The following UBE2U variants were observed in gnomAD, a reference collection of about 807,000 sequenced individuals.
UBE2U encodes ubiquitin conjugating enzyme E2 U.
UBE2U carries 39 observed loss-of-function variants against 41.2 expected under a neutral mutation model. That is an observed-to-expected ratio of 0.95 (90% CI 0.73 to 1.24). The LOEUF (loss-of-function observed/expected upper bound fraction) is 1.24. UBE2U is among the 50% of genes most tolerant of loss of function. The pLI, the probability that UBE2U is intolerant of heterozygous loss-of-function variation, is 0.00. For missense variants in UBE2U, 336 were observed against 363.1 expected (o/e 0.93, Z 0.61); for synonymous variants, 107 against 117.8 (o/e 0.91, Z 0.60).
At chr1:64,212,936 A>T (rs1651749311) in intron 4 of UBE2U, among the ~76,000 whole-genome samples, 3 of 152,120 alleles carry the variant, frequency 2.0e-5, no homozygotes, top group Admixed American at 2.0e-4. Context: ...TTGTCTTTTT[A>T]TTTTTCGAAA....
intron 8 of UBE2U, among the ~76,000 whole-genome samples, chr1:64,251,438 AATTCTGTATCC>A (rs1249662429): frequency 2.0e-5 from 3 of 152,156 alleles, no homozygotes; most frequent in African/African-American, 7.2e-5. Context: ...GATGAAAAGA[AATTCTGTATCC>A]ATTTCTGATT....
chr1:64,205,793 T>A, intron 2 of UBE2U, 73 bp downstream of exon 2: 1 of 1,196,758 alleles, frequency 8.4e-7, no homozygotes, highest in Non-Finnish European at 1.2e-6. Flanking sequence ...TCTTTTTATG[T>A]AGGATAAGGT....
chr1:64,223,232 T>A (rs1652616739), intron 6 of UBE2U, among the ~76,000 whole-genome samples: 1 of 152,220 alleles, frequency 6.6e-6, no homozygotes, highest in Non-Finnish European at 1.5e-5. Context: ...GAAGCCCTCT[T>A]CTTTTTTCCC....
At chr1:64,239,086 G>GAAGAAGAAA (rs1644735040) in intron 7 of UBE2U, among the ~76,000 whole-genome samples, 1 of 44,142 alleles carries the variant, frequency 2.3e-5, no homozygotes, top group African/African-American at 9.2e-5. Flanking sequence ...AAGAGGAAGA[G>GAAGAAGAAA]GAAGAGGAAG....
chr1:64,252,526 G>A (rs922716721), intron 8 of UBE2U, among the ~76,000 whole-genome samples: 1 of 152,192 alleles, frequency 6.6e-6, no homozygotes, highest in Non-Finnish European at 1.5e-5. Context: ...TATCCCTCTA[G>A]GATGGAGCTT....
chr1:64,243,338 G>A (rs1378283986), intron 8 of UBE2U, among the ~76,000 whole-genome samples: 1 of 151,936 alleles, frequency 6.6e-6, no homozygotes, highest in African/African-American at 2.4e-5. Flanking sequence ...AAATGTTAGA[G>A]GTATAGTAAA....
chr1:64,237,902 A>G (rs1644699289), intron 7 of UBE2U, among the ~76,000 whole-genome samples: 1 of 152,232 alleles, frequency 6.6e-6, no homozygotes, highest in Admixed American at 6.5e-5. Context: ...AGGCAATTTC[A>G]AAAAGTTTAA....
At chr1:64,257,454 C>T (rs1004429362) in intron 8 of UBE2U, among the ~76,000 whole-genome samples, 1 of 152,172 alleles carries the variant, frequency 6.6e-6, no homozygotes. Flanking sequence ...AGATCATGTC[C>T]TTTGCAGGGT....
At chr1:64,250,927 G>C (rs1165646065) in intron 8 of UBE2U, among the ~76,000 whole-genome samples, 1 of 134,636 alleles carries the variant, frequency 7.4e-6, no homozygotes, top group Non-Finnish European at 1.6e-5. Flanking sequence ...GTGGGGGGAG[G>C]GGGGAGGTAT....
intron 7 of UBE2U, among the ~76,000 whole-genome samples, chr1:64,237,306 A>G (rs1644686730): frequency 9.9e-6 from 1 of 100,822 alleles, no homozygotes; most frequent in Non-Finnish European, 2.6e-5. Context: ...GTATCATAGA[A>G]AAAAAAAAAA....
chr1:64,215,914 CAT>C (rs1281991967), intron 5 of UBE2U, among the ~76,000 whole-genome samples: 2 of 152,206 alleles, frequency 1.3e-5, no homozygotes, highest in Non-Finnish European at 2.9e-5. Flanking sequence ...CTCCTACTGA[CAT>C]AGTTATTTCC....
At chr1:64,266,437 C>G (rs899172425) in intron 9 of UBE2U, among the ~76,000 whole-genome samples, 1 of 152,076 alleles carries the variant, frequency 6.6e-6, no homozygotes, top group Non-Finnish European at 1.5e-5. Flanking sequence ...CCTCAGTTTC[C>G]TCATCTGTAA....
intron 8 of UBE2U, among the ~76,000 whole-genome samples, chr1:64,257,122 C>CA (rs1345891224): frequency 6.6e-6 from 1 of 152,018 alleles, no homozygotes; most frequent in African/African-American, 2.4e-5. Context: ...CAGATGCTGG[C>CA]AAGTTTGCAG....
Position 64,267,332 on chromosome 1 carries a change from C to A in UBE2U, c.*124C>A. 4.0e-6 allele frequency: 3 copies of A among 745,998 alleles called. No individual in the cohort carries two copies. The highest frequency in any genetic ancestry group is 4.1e-6 in the Non-Finnish European group (2 of 486,650). 46.2% of individuals were successfully genotyped at this position (745,998 alleles called of 1,614,324 possible). A position where few individuals can be genotyped will look rare whatever the true frequency, so the allele number is the denominator to read the frequency against. ...TTAAGTTGTTCTCACCCACTCACTG[C>A]AAGTACAAATTAGAAATATAAGTAC... On this transcript the variant is annotated 3_prime_UTR_variant, in exon 10 of 10. Transcript: ENST00000371077.
chr1:64,215,050 T>G, intron 5 of UBE2U, 118 bp downstream of exon 5: 1 of 670,114 alleles, frequency 1.5e-6, no homozygotes, highest in Non-Finnish European at 2.6e-6. Flanking sequence ...CTGACCAACA[T>G]GGAGAAACCC....
chr1:64,226,239 T>C (rs1425071896), intron 6 of UBE2U, among the ~76,000 whole-genome samples: 1 of 152,208 alleles, frequency 6.6e-6, no homozygotes, highest in Non-Finnish European at 1.5e-5. Flanking sequence ...GCAGGCATTA[T>C]GTTGAGTGAA....
chr1:64,241,510 G>C, intron 7 of UBE2U, 142 bp from the exon 8 acceptor site: 1 of 542,546 alleles, frequency 1.8e-6, no homozygotes, highest in South Asian at 3.1e-5. Context: ...AGTTTCTAAG[G>C]ATTGTAATAT....
At chr1:64,266,761 A>G (rs1036411044) in intron 9 of UBE2U, among the ~76,000 whole-genome samples, 1 of 152,194 alleles carries the variant, frequency 6.6e-6, no homozygotes, top group African/African-American at 2.4e-5. Flanking sequence ...TTGCACATCA[A>G]CTGGCCCTTA....
chr1:64,210,649 C>A, intron 3 of UBE2U, 93 bp from the exon 4 acceptor site: 1 of 787,624 alleles, frequency 1.3e-6, no homozygotes, highest in Non-Finnish European at 1.9e-6. Context: ...AGAGTAAATG[C>A]AGATAATTTT....
Sources: gnomAD v4.1 joint callset for allele counts (sites outside exome capture counted in the v4.1 genomes callset) on GRCh38, gnomAD v4.1.1 for gene constraint, MANE v1.5 for transcripts, NCBI Gene and HGNC (gene_info 2026-07-23, HGNC 2026-07-21) for gene names.